The following LYST variants were observed in gnomAD, a reference collection of about 807,000 sequenced individuals.
LYST encodes the protein lysosomal-trafficking regulator.
In LYST, 192 loss-of-function variants were observed where a neutral mutation model predicts 413.6. The ratio of observed to expected loss-of-function variants is 0.46; its 90% CI spans 0.41 to 0.52. LYST has a LOEUF of 0.52. Ranked by LOEUF, LYST falls within the 20% of genes least tolerant of loss-of-function variation. LYST has a pLI of 0.00. For synonymous variants in LYST, 1,525 were observed against 1,567.3 expected (o/e 0.97, Z 0.64); for missense variants, 3,815 against 4,499.9 (o/e 0.85, Z 4.35).
At chr1:235,777,752 T>C (rs1049791852) in intron 16 of LYST, among the ~76,000 whole-genome samples, 67 of 152,214 alleles carry the variant, frequency 4.4e-4, no homozygotes, top group African/African-American at 1.6e-3. Flanking sequence ...AACTCTAAAC[T>C]AGATCTTTCT....
chr1:235,712,595 A>G, intron 42 of LYST: 1 of 984,000 alleles, frequency 1.0e-6, no homozygotes, highest in African/African-American at 1.7e-5. Flanking sequence ...TTTAAGTTCA[A>G]GTAGGCAAAC....
intron 49 of LYST, 63 bp from the exon 50 acceptor site, chr1:235,677,251 G>A (rs1659451896): frequency 7.5e-7 from 1 of 1,326,008 alleles, no homozygotes; most frequent in South Asian, 1.2e-5. Flanking sequence ...CTCTTATTTT[G>A]TAATTCTTCT....
intron 40 of LYST, among the ~76,000 whole-genome samples, chr1:235,718,598 C>T (rs1240912051): frequency 6.6e-6 from 1 of 152,114 alleles, no homozygotes; most frequent in Non-Finnish European, 1.5e-5. Flanking sequence ...GAATTAGGCC[C>T]ACTCTTTGGC....
intron 30 of LYST, among the ~76,000 whole-genome samples, 161 bp downstream of exon 30, chr1:235,743,818 T>C (rs1665651250): frequency 6.6e-6 from 1 of 152,178 alleles, no homozygotes; most frequent in Non-Finnish European, 1.5e-5. Flanking sequence ...GAATTAGCAA[T>C]ATATATTATT....
In LYST at chr1:235,729,649, C is replaced by T. The variant is rs367792096; in HGVS notation, c.9053G>A (p.Arg3018Gln). The change falls in exon 37 of 53, where the codon CGA (arginine) becomes CAA (glutamine). Residue 3018 changes from arginine to glutamine, a missense_variant. Physicochemically the swap from Arg to Gln is conservative, Grantham distance 43 (BLOSUM62 1). This residue lies in a region of LYST where 866 missense variants were observed against 1,156.0 expected (regional missense o/e 0.75). Coordinates refer to ENST00000389793, the MANE Select transcript of LYST (RefSeq NM_000081.4). ...KAASESIRVN[R>Q]RCISVAPSRE... The stretch of plus-strand genomic sequence containing the variant: ...AGATGGTGCAACACTGATGCATCTT[C>T]GATTCACTCTGTCAAAACATATTTA... 5 of 1,604,336 alleles carry T rather than the reference C, an allele frequency of 3.1e-6. No homozygotes were observed. The highest frequency in any genetic ancestry group is 1.3e-5 in the African/African-American group (1 of 74,712).
intron 3 of LYST, among the ~76,000 whole-genome samples, chr1:235,822,075 T>C (rs1674806653): frequency 6.6e-6 from 1 of 152,194 alleles, no homozygotes; most frequent in African/African-American, 2.4e-5. Flanking sequence ...TTAAAGAAAG[T>C]TGGTTATTAA....
chr1:235,736,595 G>C (rs1664841168), intron 31 of LYST: 1 of 152,158 alleles, frequency 6.6e-6, no homozygotes. Flanking sequence ...TAATGGCAAA[G>C]AAGTCTGGGG....
Position 235,809,642 on chromosome 1 carries a change from T to C in LYST, c.1176A>G (p.Ser392=), listed in dbSNP as rs764088101. The change falls in exon 5 of 53, where the codon TCA becomes TCG. Residue 392 remains serine, a synonymous_variant. Coordinates refer to ENST00000389793, the MANE Select transcript of LYST (RefSeq NM_000081.4). The surrounding 1 kb of genome is among the most constrained non-coding windows in gnomAD (Gnocchi z 4.0). ...LQEVQEDFVF[S]KYRHRALLLP... is the part of the protein sequence containing the mutation. Reference sequence around the variant, plus strand: ...AAAGAAGGGCTCTATGACGATACTTTGAAAACACAAAATCTTCCTGAACCT... The same window carrying C: ...AAAGAAGGGCTCTATGACGATACTTCGAAAACACAAAATCTTCCTGAACCT... 4.3e-6 allele frequency: 7 copies of C among 1,613,990 alleles called. No homozygotes were observed. The highest frequency in any genetic ancestry group is 1.6e-4 in the Middle Eastern group (1 of 6,084).
intron 1 of LYST, among the ~76,000 whole-genome samples, chr1:235,835,378 T>C (rs1480903239): frequency 1.3e-5 from 2 of 152,222 alleles, no homozygotes; most frequent in Non-Finnish European, 2.9e-5. Flanking sequence ...TAGAGCCATC[T>C]ATCTTGCAAT....
chr1:235,699,557 A>G (rs2103092825), intron 45 of LYST, among the ~76,000 whole-genome samples: 1 of 152,148 alleles, frequency 6.6e-6, no homozygotes, highest in Admixed American at 6.5e-5. Context: ...ATGTGTCTTT[A>G]GAGTAGAATG....
Position 235,797,643 on chromosome 1 carries a change from C to T in LYST, c.4006+2677G>A, listed in dbSNP as rs192450030. On this transcript the variant is annotated intron_variant, in intron 10 of 52. Coordinates refer to ENST00000389793, the MANE Select transcript of LYST (RefSeq NM_000081.4). ...TACAAAATTTAACTCAAAATGAATTCAGGATCTAAATGTAAAACTATATAT... is the reference window on the plus strand; with the variant it reads ...TACAAAATTTAACTCAAAATGAATTTAGGATCTAAATGTAAAACTATATAT... Among the ~76,000 whole-genome samples, 17 of 152,174 alleles carry T rather than the reference C, an allele frequency of 1.1e-4. No homozygotes were observed. The East Asian group carries it at 3.1e-3, about 28-fold the overall frequency.
chr1:235,830,413 C>T lies in LYST; in HGVS notation c.5G>A (p.Ser2Asn). 1 of 1,610,606 alleles carries T rather than the reference C, an allele frequency of 6.2e-7. No individual in the cohort carries two copies. Among genetic ancestry groups the T allele is most frequent in the Non-Finnish European group, 8.5e-7 (1 of 1,177,824 alleles). Residue 2 changes from serine to asparagine, a missense_variant, in exon 3 of 53, where the codon AGC (serine) becomes AAC (asparagine). Transcript: ENST00000389793. MSTDSNSLAREF... is the reference protein window; with the variant it reads MNTDSNSLAREF... ...ACGTGCCAGTGAGTTACTGTCGGTG[C>T]TCATGACCGAGCTATAAAATAAGTA...
At chr1:235,864,687 G>C (rs1251979552) in intron 1 of LYST, among the ~76,000 whole-genome samples, 1 of 152,196 alleles carries the variant, frequency 6.6e-6, no homozygotes, top group Non-Finnish European at 1.5e-5. Context: ...ATCGCAGAAT[G>C]TTGACACGCC....
Position 235,696,973 on chromosome 1 carries a change from T to G in LYST, c.10564+110A>C. ...ACTTTGCACTAAATAACCACAAATT[T>G]GAGCTGAGTTTTTCCACCAAGGACT... On this transcript the variant is annotated intron_variant, in intron 46 of 52. Coordinates refer to ENST00000389793, the MANE Select transcript of LYST (RefSeq NM_000081.4). 2.9e-6 allele frequency: 3 copies of G among 1,030,292 alleles called. No individual in the cohort carries two copies. The South Asian group carries it at 4.1e-5, about 14-fold the overall frequency. 63.8% of individuals were successfully genotyped at this position (1,030,292 alleles called of 1,614,324 possible). A position where few individuals can be genotyped will look rare whatever the true frequency, so the allele number is the denominator to read the frequency against.
At chr1:235,867,152 A>T (rs182912531), upstream of LYST, among the ~76,000 whole-genome samples, 1 of 152,198 alleles carries the variant, frequency 6.6e-6, no homozygotes, top group Non-Finnish European at 1.5e-5. Context: ...GCGGGGCTGC[A>T]GCCGGGGCCC....
intron 3 of LYST, among the ~76,000 whole-genome samples, chr1:235,823,630 G>A (rs1675017340): frequency 6.6e-6 from 1 of 152,228 alleles, no homozygotes; most frequent in African/African-American, 2.4e-5. Flanking sequence ...TTTACCAAAA[G>A]CAAAGCAAAG....
intron 48 of LYST, among the ~76,000 whole-genome samples, chr1:235,678,099 T>G (rs1659528203): frequency 6.6e-6 from 1 of 152,032 alleles, no homozygotes; most frequent in Non-Finnish European, 1.5e-5. Context: ...AGGTTTTTAG[T>G]AGATTAGAGG....
chr1:235,863,999 C>T (rs545951492), intron 1 of LYST, among the ~76,000 whole-genome samples: 1 of 152,308 alleles, frequency 6.6e-6, no homozygotes, highest in African/African-American at 2.4e-5. Flanking sequence ...TCATCCTCCA[C>T]CATTCCCCAG....
chr1:235,749,633 A>T (rs1359327265), intron 28 of LYST, among the ~76,000 whole-genome samples: 2 of 152,196 alleles, frequency 1.3e-5, no homozygotes, highest in East Asian at 3.8e-4. Flanking sequence ...AGGATTCTGT[A>T]AGTCTCCTAT....
Sources: gnomAD v4.1 joint callset for allele counts (sites outside exome capture counted in the v4.1 genomes callset) on GRCh38, gnomAD v4.1.1 for gene constraint, gnomAD v4.1.1 regional missense constraint, Gnocchi (gnomAD v3.1) non-coding constraint, MANE v1.5 for transcripts, NCBI Gene and HGNC (gene_info 2026-07-23, HGNC 2026-07-21) for gene names.